The following SCAMP2 variants were observed in gnomAD, a reference collection of about 807,000 sequenced individuals.
The protein encoded by SCAMP2 is secretory carrier membrane protein 2.
A neutral mutation model predicts 44.1 loss-of-function variants in SCAMP2; 25 were observed. That is an observed-to-expected ratio of 0.57 (90% confidence interval 0.41 to 0.79). The LOEUF (loss-of-function observed/expected upper bound fraction) is 0.79, where lower values mean the gene tolerates loss of function less well. Ranked by LOEUF, SCAMP2 falls within the 30% of genes least tolerant of loss-of-function variation. The probability of loss-of-function intolerance (pLI) is 0.00; values close to 1 mark genes in which losing one functional copy is unlikely to be tolerated. For synonymous variants in SCAMP2, 156 were observed against 166.0 expected (o/e 0.94, Z 0.46); for missense variants, 355 against 411.0 (o/e 0.86, Z 1.18).
intron 1 of SCAMP2, 63 bp from the exon 2 acceptor site, chr15:74,854,712 C>T (rs186795129): frequency 2.5e-5 from 36 of 1,448,566 alleles, no homozygotes; most frequent in Middle Eastern, 3.8e-4. Flanking sequence ...GGCCGGCAGG[C>T]GAGCCGGTGA....
Position 74,854,450 on chromosome 15 carries a change from T to C in SCAMP2, c.126+131A>G, listed in dbSNP as rs919143533. The C allele has an allele frequency of 2.1e-5, 17 of 807,252 alleles. No individual in the cohort carries two copies. The South Asian group carries it at 2.3e-4, about 11-fold the overall frequency. The allele number at this position is 807,252 out of a possible 1,614,324, so 50.0% of individuals were successfully genotyped here. ...ATCCTTACCCTGCCTCCCGGGTTCA[T>C]GTTAGGACTGTCCCTTTGAGGACTG... On this transcript the variant is annotated intron_variant, in intron 2 of 8. Coordinates refer to ENST00000268099, the MANE Select transcript of SCAMP2 (RefSeq NM_005697.5).
At chr15:74,861,627 G>A (rs2064503815) in intron 1 of SCAMP2, among the ~76,000 whole-genome samples, 1 of 152,164 alleles carries the variant, frequency 6.6e-6, no homozygotes, top group African/African-American at 2.4e-5. Context: ...GGTCGGGCAT[G>A]GTGGCTCACG....
intron 1 of SCAMP2, among the ~76,000 whole-genome samples, chr15:74,855,069 T>A (rs2064459716): frequency 1.3e-5 from 2 of 151,706 alleles, no homozygotes; most frequent in Non-Finnish European, 2.9e-5. Flanking sequence ...CTTTCTGTAC[T>A]GTTTTACTTA....
chr15:74,873,017 T>G (rs2064587618), intron 1 of SCAMP2, 182 bp downstream of exon 1: 5 of 535,786 alleles, frequency 9.3e-6, no homozygotes, highest in Non-Finnish European at 1.6e-5. Flanking sequence ...CCTCTGCAGT[T>G]CCACCTGCTG....
intron 1 of SCAMP2, among the ~76,000 whole-genome samples, chr15:74,864,162 A>T (rs1014124316): frequency 2.0e-5 from 3 of 152,112 alleles, no homozygotes; most frequent in Non-Finnish European, 4.4e-5. Context: ...CCCAGGTTCA[A>T]GTGATTCTCC....
chr15:74,851,837 G>T, intron 4 of SCAMP2: 1 of 449,954 alleles, frequency 2.2e-6, no homozygotes, highest in Non-Finnish European at 3.9e-6. Context: ...AAGAATCAAG[G>T]AATTTGAGAG....
At chr15:74,872,950 G>T in intron 1 of SCAMP2, 1 of 461,080 alleles carries the variant, frequency 2.2e-6, no homozygotes, top group African/African-American at 2.1e-5. Context: ...CCCTAGCACA[G>T]CCCAGCCTCC....
rs535208231 is a variant in SCAMP2 at position 74,859,726 on chromosome 15, C to T, written c.58-5077G>A. On this transcript the variant is annotated intron_variant, in intron 1 of 8. Transcript: ENST00000268099. ...CCACCTCCCAGGTTGAAGCGATTCTCGTGCCTCAGCCTCCTGAGTAGCTAG... is the reference window on the plus strand; with the variant it reads ...CCACCTCCCAGGTTGAAGCGATTCTTGTGCCTCAGCCTCCTGAGTAGCTAG... Among the ~76,000 whole-genome samples, 14 of 151,334 alleles carry T rather than the reference C, an allele frequency of 9.3e-5. No individual in the cohort carries two copies. The South Asian group carries it at 2.5e-3, about 27-fold the overall frequency.
At chr15:74,845,427 T>G (rs747565961) in intron 8 of SCAMP2, 46 bp downstream of exon 8, 1 of 1,613,530 alleles carries the variant, frequency 6.2e-7, no homozygotes, top group Non-Finnish European at 8.5e-7. Flanking sequence ...AGGAAACGGT[T>G]GCCTGCCTCC....
chr15:74,858,911 C>T (rs537365513), intron 1 of SCAMP2, among the ~76,000 whole-genome samples: 1 of 150,322 alleles, frequency 6.7e-6, no homozygotes, highest in South Asian at 2.1e-4. Flanking sequence ...CGGGTTCACA[C>T]CATTCTCCTG....
At chr15:74,872,880 C>T (rs755566836) in intron 1 of SCAMP2, 22 of 324,336 alleles carry the variant, frequency 6.8e-5, no homozygotes, top group South Asian at 3.1e-4. Context: ...CCACATTTCG[C>T]TTCTCCCTGA....
In SCAMP2 at chr15:74,870,681, T is replaced by G. The variant is rs549659954; in HGVS notation, c.57+2518A>C. On this transcript the variant is annotated intron_variant, in intron 1 of 8. Coordinates refer to ENST00000268099, the MANE Select transcript of SCAMP2 (RefSeq NM_005697.5). ...TAAGCTACGAGAGGAATGTTCAGAA[T>G]TCCCTGATGTTCTAAGGAACAAGCT... Among the ~76,000 whole-genome samples the G allele has an allele frequency of 5.3e-5, 8 of 152,350 alleles. No individual in the cohort carries two copies. The East Asian group carries it at 1.5e-3, about 29-fold the overall frequency.
At chr15:74,847,663 C>T (rs1023859724) in intron 7 of SCAMP2, among the ~76,000 whole-genome samples, 3 of 152,234 alleles carry the variant, frequency 2.0e-5, no homozygotes, top group African/African-American at 4.8e-5. Context: ...ACCGCCCTTC[C>T]AGGCTCAGGC....
Position 74,851,468 on chromosome 15 carries a change from G to A in SCAMP2, c.357C>T (p.Asn119=). ...TVANLHVRQN[N]WPPLPSWCPV... ...GGCACCACGAGGGCAGAGGGGGCCA[G>A]TTGTTCTGTCTCACTGGGTAGGGCA... Residue 119 remains asparagine, a synonymous_variant, in exon 5 of 9, where the codon AAC becomes AAT. Transcript: ENST00000268099. 3.1e-6 allele frequency: 5 copies of A among 1,613,918 alleles called. No homozygotes were observed. Among genetic ancestry groups the A allele is most frequent in the Non-Finnish European group, 4.2e-6 (5 of 1,179,824 alleles).
At chr15:74,845,324 G>C in intron 8 of SCAMP2, 107 bp from the exon 9 acceptor site, 1 of 1,578,084 alleles carries the variant, frequency 6.3e-7, no homozygotes, top group South Asian at 1.1e-5. Flanking sequence ...GGCACTGCCT[G>C]ACCCCCCACC....
intron 1 of SCAMP2, among the ~76,000 whole-genome samples, chr15:74,859,696 A>G (rs1046241069): frequency 2.7e-5 from 4 of 149,884 alleles, no homozygotes; most frequent in Admixed American, 1.3e-4. Flanking sequence ...TGCTCACTAC[A>G]ATCTCCACCT....
At position 74,845,474 on chromosome 15, in the gene SCAMP2, C is replaced by A; in HGVS notation, c.854G>T (p.Arg285Leu). Reference protein sequence around the residue: ...CAVLSVFLLQRVHSLYRRTGA... With the variant: ...CAVLSVFLLQLVHSLYRRTGA... ...GTCAGCCCTGCCCACACCACTCACC[C>A]GCTGCAGGAGGAAGACTGAGAGCAC... The change falls in exon 8 of 9, where the codon CGG becomes CTG. Residue 285 changes from arginine to leucine, a missense_variant and splice_region_variant. Transcript: ENST00000268099. 1.2e-6 allele frequency: 2 copies of A among 1,614,104 alleles called. No individual in the cohort carries two copies. Among genetic ancestry groups the A allele is most frequent in the Non-Finnish European group, 1.7e-6 (2 of 1,180,028 alleles).
chr15:74,866,376 A>C (rs976278668), intron 1 of SCAMP2, among the ~76,000 whole-genome samples: 2 of 151,934 alleles, frequency 1.3e-5, no homozygotes, highest in African/African-American at 4.8e-5. Context: ...GACAGCAAGC[A>C]GGAGCGACTT....
At chr15:74,863,617 C>A (rs2064523449) in intron 1 of SCAMP2, among the ~76,000 whole-genome samples, 1 of 152,128 alleles carries the variant, frequency 6.6e-6, no homozygotes, top group Non-Finnish European at 1.5e-5. Context: ...AGTCACCTGG[C>A]CGGGCATTCA....
Sources: allele counts gnomAD v4.1 joint callset (sites outside exome capture counted in the v4.1 genomes callset), GRCh38; gene constraint gnomAD v4.1.1; transcripts MANE v1.5; gene names NCBI Gene and HGNC (gene_info 2026-07-23, HGNC 2026-07-21).